ALG13: variants seen among roughly 807,000 people sequenced by gnomAD.
The protein encoded by ALG13 is ALG13 UDP-N-acetylglucosaminyltransferase subunit.
ALG13 carries 11 observed loss-of-function variants against 87.8 expected under a neutral mutation model. The ratio of observed to expected loss-of-function variants is 0.13; its 90% confidence interval spans 0.08 to 0.21. The LOEUF (loss-of-function observed/expected upper bound fraction) is 0.21. Ranked by LOEUF, ALG13 falls within the 10% of genes least tolerant of loss-of-function variation. ALG13 has a pLI of 1.00. For synonymous variants in ALG13, 320 were observed against 306.3 expected (o/e 1.04, Z -0.47); for missense variants, 756 against 866.1 (o/e 0.87, Z 1.60).
At chrX:111,682,470 C>G (rs1380774938) in intron 2 of ALG13, among the ~76,000 whole-genome samples, 176 bp downstream of exon 2, 3 of 111,999 alleles carry the variant, frequency 2.7e-5, no homozygotes, top group African/African-American at 9.8e-5. Flanking sequence ...CTGATGCTCT[C>G]CCTCCAATAA....
intron 3 of ALG13, among the ~76,000 whole-genome samples, chrX:111,700,563 G>GTGTTTTTTTT (rs779805290): frequency 9.3e-6 from 1 of 107,122 alleles, no homozygotes; most frequent in Non-Finnish European, 1.9e-5. Context: ...CTGTTGAGAG[G>GTGTTTTTTTT]TGTTTTTTTT....
At chrX:111,744,335 T>G (rs2148400424) in intron 23 of ALG13, among the ~76,000 whole-genome samples, 1 of 112,124 alleles carries the variant, frequency 8.9e-6, no homozygotes, top group South Asian at 3.7e-4. Context: ...GCATTGGGTA[T>G]TAAACTAAGT....
chrX:111,696,982 C>CT (rs55888261), intron 3 of ALG13, among the ~76,000 whole-genome samples: 7,153 of 73,938 alleles, frequency 0.097, 913 homozygotes, highest in African/African-American at 0.33. Context: ...TGGTTCTTAC[C>CT]TTTTTTTTTT....
intron 3 of ALG13, among the ~76,000 whole-genome samples, chrX:111,698,094 G>A (rs2147883301): frequency 8.9e-6 from 1 of 111,830 alleles, no homozygotes; most frequent in South Asian, 3.7e-4. Context: ...CTATTCCTCC[G>A]CATCTCTGTT....
chrX:111,743,889 G>C (rs1943976523), intron 23 of ALG13: 1 of 108,545 alleles, frequency 9.2e-6, no homozygotes, highest in Non-Finnish European at 1.9e-5. Flanking sequence ...TTGAAGGTTT[G>C]TATCATTCAT....
At position 111,690,123 on chromosome X, in the gene ALG13, A is replaced by G. The variant is rs1047316392; in HGVS notation, c.383+5020A>G. On this transcript the variant is annotated intron_variant, in intron 3 of 26. Transcript: ENST00000394780. Reference sequence around the variant, plus strand: ...ACAGATGAGGAAACATGCTAAATTAATCACCACATTTACATCTTATTAGTC... The same window carrying G: ...ACAGATGAGGAAACATGCTAAATTAGTCACCACATTTACATCTTATTAGTC... The G allele has an allele frequency of 8.0e-6, 6 of 750,005 alleles. No individual in the cohort carries two copies. The African/African-American group carries it at 1.4e-4, about 17-fold the overall frequency. The allele number at this position is 750,005 out of a possible 1,213,427, so 61.8% of individuals were successfully genotyped here.
At chrX:111,759,158 T>C (rs913627560) in intron 26 of ALG13, among the ~76,000 whole-genome samples, 137 of 108,634 alleles carry the variant, frequency 1.3e-3, no homozygotes, top group Non-Finnish European at 2.2e-3. Context: ...TTTTTTTTTT[T>C]TTTTGTCTAA....
At chrX:111,717,109 A>AT (rs950282416) in intron 8 of ALG13, 11 of 110,445 alleles carry the variant, frequency 1.0e-4, no homozygotes, top group South Asian at 3.9e-4. Flanking sequence ...GTGAAGACAG[A>AT]TTTTTTCAAC....
At chrX:111,734,555 C>A (rs1943049332) in intron 21 of ALG13, 2 of 118,790 alleles carry the variant, frequency 1.7e-5, no homozygotes, top group African/African-American at 3.2e-5. Flanking sequence ...ATGCATGAGT[C>A]CAAGCCATTC....
chrX:111,738,011 A>G (rs1444564262), intron 23 of ALG13, among the ~76,000 whole-genome samples: 1 of 112,739 alleles, frequency 8.9e-6, no homozygotes, highest in Non-Finnish European at 1.9e-5. Context: ...ATATATCTTA[A>G]GGAATAAAAA....
At chrX:111,718,034 C>A in intron 9 of ALG13, 78 bp from the exon 10 acceptor site, 1 of 1,089,884 alleles carries the variant, frequency 9.2e-7, no homozygotes, top group East Asian at 3.2e-5. Context: ...CCTATTTGCA[C>A]GCAGGATTAT....
chrX:111,707,935 A>C, intron 3 of ALG13, 92 bp from the exon 4 acceptor site: 1 of 946,073 alleles, frequency 1.1e-6, no homozygotes, highest in Non-Finnish European at 1.4e-6. Context: ...CAAGGAGGTA[A>C]CTCTAAGTAC....
At chrX:111,747,772 A>T (rs1944375551) in intron 24 of ALG13, among the ~76,000 whole-genome samples, 1 of 112,337 alleles carries the variant, frequency 8.9e-6, no homozygotes, top group African/African-American at 3.2e-5. Flanking sequence ...GGTGTCAGCC[A>T]CCACGCCCTG....
intron 23 of ALG13, among the ~76,000 whole-genome samples, chrX:111,740,522 A>T (rs768634545): frequency 2.6e-4 from 29 of 111,403 alleles, no homozygotes; most frequent in Non-Finnish European, 4.3e-4. Flanking sequence ...TGGTCTTAAA[A>T]TACCATTTAT....
At chrX:111,703,253 C>T (rs769734784) in intron 3 of ALG13, among the ~76,000 whole-genome samples, 8 of 110,221 alleles carry the variant, frequency 7.3e-5, no homozygotes, top group Non-Finnish European at 1.1e-4. Context: ...CATTTCACTT[C>T]GGGCTTCCTG....
intron 2 of ALG13, among the ~76,000 whole-genome samples, chrX:111,683,827 C>T (rs1934219510): frequency 8.9e-6 from 1 of 111,842 alleles, no homozygotes; most frequent in African/African-American, 3.3e-5. Flanking sequence ...GGGATAGCAC[C>T]TCACATGTAA....
Position 111,681,172 on chromosome X carries a change from T to A in ALG13, c.-47T>A. ...GTCACTGCAACGTGCGTGGCCTCAGTTGCGTCATATCCGGCCCTTGCGATC... is the reference window on the plus strand; with the variant it reads ...GTCACTGCAACGTGCGTGGCCTCAGATGCGTCATATCCGGCCCTTGCGATC... On this transcript the variant is annotated 5_prime_UTR_variant, in exon 1 of 27. The change creates a new upstream start codon in the 5' untranslated region. Transcript: ENST00000394780. The A allele has an allele frequency of 8.5e-7, 1 of 1,170,755 alleles. No individual in the cohort carries two copies. The highest frequency in any genetic ancestry group is 1.2e-6 in the Non-Finnish European group (1 of 858,079).
At chrX:111,699,098 CTAATGAT>C (rs1477114980) in intron 3 of ALG13, among the ~76,000 whole-genome samples, 1 of 112,146 alleles carries the variant, frequency 8.9e-6, no homozygotes, top group Non-Finnish European at 1.9e-5. Flanking sequence ...TTGCATTTCT[CTAATGAT>C]TAGTGATGCT....
chrX:111,685,636 A>G (rs1220371413), intron 3 of ALG13, among the ~76,000 whole-genome samples: 1 of 112,465 alleles, frequency 8.9e-6, no homozygotes, highest in Non-Finnish European at 1.9e-5. Context: ...TGGAAAATTG[A>G]TAATAAGTTC....
Sources: gnomAD v4.1 joint callset for allele counts (sites outside exome capture counted in the v4.1 genomes callset) on GRCh38, gnomAD v4.1.1 for gene constraint, MANE v1.5 for transcripts, NCBI Gene and HGNC (gene_info 2026-07-23, HGNC 2026-07-21) for gene names.